KCNQ1: variants seen among roughly 807,000 people sequenced by gnomAD.
The protein encoded by KCNQ1 is potassium voltage-gated channel subfamily KQT member 1.
A neutral mutation model predicts 72.4 loss-of-function variants in KCNQ1; 49 were observed. The ratio of observed to expected loss-of-function variants is 0.68; its 90% CI spans 0.54 to 0.86. KCNQ1 has a LOEUF of 0.86. KCNQ1 is among the 40% of genes least tolerant of loss of function. The probability of loss-of-function intolerance (pLI) is 0.00; values close to 1 mark genes in which losing one functional copy is unlikely to be tolerated. For missense variants in KCNQ1, 790 were observed against 945.1 expected (o/e 0.84, Z 2.15); for synonymous variants, 450 against 412.6 (o/e 1.09, Z -1.10).
intron 2 of KCNQ1, among the ~76,000 whole-genome samples, chr11:2,569,382 C>T (rs2086972425): frequency 6.6e-6 from 1 of 152,238 alleles, no homozygotes; most frequent in Non-Finnish European, 1.5e-5. Flanking sequence ...TCATTCCATC[C>T]TAATTAATAA....
rs938142563 is a variant in KCNQ1, at chr11:2,507,534, C to T, written c.387-20394C>T. 6.6e-6 allele frequency among the ~76,000 whole-genome samples: 1 copy of T among 152,142 alleles called. No homozygotes were observed. Among genetic ancestry groups the T allele is most frequent in the African/African-American group, 2.4e-5 (1 of 41,418 alleles). On this transcript the variant is annotated intron_variant, in intron 1 of 15. Coordinates refer to ENST00000155840, the MANE Select transcript of KCNQ1 (RefSeq NM_000218.3). The surrounding 1 kb of genome is among the most constrained non-coding windows in gnomAD (Gnocchi z 5.4). ...GAAGAGAAAAGGATGCTGCTGGGAC[C>T]CCTCGCACCTGGGAGGATGCACTTT...
intron 15 of KCNQ1, among the ~76,000 whole-genome samples, chr11:2,832,375 T>C (rs889110680): frequency 2.0e-5 from 3 of 152,026 alleles, no homozygotes; most frequent in Admixed American, 6.5e-5. Flanking sequence ...TAGGACAGGG[T>C]GCCTGTGTCC....
intron 11 of KCNQ1, among the ~76,000 whole-genome samples, chr11:2,738,029 C>A (rs1262275149): frequency 1.9e-4 from 29 of 152,170 alleles, no homozygotes; most frequent in Admixed American, 1.9e-3. Context: ...GAGAACCACA[C>A]CCTCCTCCAC....
At chr11:2,615,306 T>G (rs1468987140) in intron 10 of KCNQ1, 1 of 397,988 alleles carries the variant, frequency 2.5e-6, no homozygotes, top group Non-Finnish European at 4.4e-6. Flanking sequence ...TTGTGGATTC[T>G]TTGATTTTCT....
At chr11:2,722,689 G>A (rs1845689542) in intron 11 of KCNQ1, among the ~76,000 whole-genome samples, 1 of 152,028 alleles carries the variant, frequency 6.6e-6, no homozygotes, top group Non-Finnish European at 1.5e-5. Context: ...ACGTGGTTGG[G>A]AGTCATGACC....
chr11:2,732,155 C>T (rs1845868934), intron 11 of KCNQ1, among the ~76,000 whole-genome samples: 1 of 152,248 alleles, frequency 6.6e-6, no homozygotes, highest in African/African-American at 2.4e-5. Context: ...TGAAGCGGGG[C>T]TGCGGCCAGG....
rs921423145 is a variant in KCNQ1, at chr11:2,674,860, A to G, written c.1514+12779A>G. On this transcript the variant is annotated intron_variant, in intron 11 of 15. Coordinates refer to ENST00000155840, the MANE Select transcript of KCNQ1 (RefSeq NM_000218.3). The surrounding 1 kb of genome is among the most constrained non-coding windows in gnomAD (Gnocchi z 5.9). ...AAAAAAAAAAAAAAAAAAAAAAAAA[A>G]GCTCACTGGGCACCTTGGCTGCAGG... 7.6e-6 allele frequency: 3 copies of G among 394,490 alleles called. No homozygotes were observed. Among genetic ancestry groups the G allele is most frequent in the African/African-American group, 6.3e-5 (3 of 47,614 alleles). The allele number at this position is 394,490 out of a possible 1,614,324, so 24.4% of individuals were successfully genotyped here. A position where few individuals can be genotyped will look rare whatever the true frequency, so the allele number is the denominator to read the frequency against.
At chr11:2,631,272 C>A in intron 10 of KCNQ1, 1 of 398,432 alleles carries the variant, frequency 2.5e-6, no homozygotes, top group East Asian at 3.6e-5. Flanking sequence ...CCCTTGTTAC[C>A]TTTTCATTCT....
chr11:2,631,921 G>A (rs977642770), intron 10 of KCNQ1: 27 of 397,154 alleles, frequency 6.8e-5, no homozygotes, highest in South Asian at 1.4e-4. Flanking sequence ...AGTGGCTCAC[G>A]CCTGTAATCC....
rs1294548989 is a variant in KCNQ1 at position 2,781,494 on chromosome 11, TC to T, written c.1794+3459del. The stretch of plus-strand genomic sequence containing the variant: ...GACCAATGCAGGCGGTCGGGAGAGG[TC>T]CGGAGAGAGCTGGCCCTGCCCACTC... On this transcript the variant is annotated intron_variant, in intron 15 of 15. Coordinates refer to ENST00000155840, the MANE Select transcript of KCNQ1 (RefSeq NM_000218.3). The surrounding 1 kb of genome is among the most constrained non-coding windows in gnomAD (Gnocchi z 6.6). 1.3e-5 allele frequency among the ~76,000 whole-genome samples: 2 copies of T among 151,892 alleles called. No homozygotes were observed. The highest frequency in any genetic ancestry group is 2.9e-5 in the Non-Finnish European group (2 of 67,950).
intron 2 of KCNQ1, among the ~76,000 whole-genome samples, chr11:2,554,726 A>G (rs189989389): frequency 5.3e-5 from 8 of 152,324 alleles, no homozygotes; most frequent in Admixed American, 1.3e-4. Context: ...AGGCCCTACA[A>G]TTTCACGACA....
At chr11:2,505,146 C>T (rs1423764762) in intron 1 of KCNQ1, among the ~76,000 whole-genome samples, 2 of 151,936 alleles carry the variant, frequency 1.3e-5, no homozygotes, top group Non-Finnish European at 2.9e-5. Flanking sequence ...TGGTTTGCTG[C>T]ACCTGTCAAC....
intron 15 of KCNQ1, among the ~76,000 whole-genome samples, chr11:2,823,442 G>T (rs1338830775): frequency 6.6e-6 from 1 of 152,222 alleles, no homozygotes; most frequent in Non-Finnish European, 1.5e-5. Flanking sequence ...TTCTTAGAAG[G>T]TTCTGGAGAA....
chr11:2,694,636 A>C lies in KCNQ1; in HGVS notation c.1514+32555A>C, dbSNP rs1314037195. 1.0e-5 allele frequency: 4 copies of C among 398,524 alleles called. No individual in the cohort carries two copies. The Admixed American group carries it at 1.8e-4, about 18-fold the overall frequency. The allele number at this position is 398,524 out of a possible 1,614,324, so 24.7% of individuals were successfully genotyped here. On this transcript the variant is annotated intron_variant, in intron 11 of 15. Transcript: ENST00000155840. ...CAATAAATGAATGAAACCATTCAAC[A>C]GAAATCTGTGACACACCCACCATGT...
rs530588203 is a variant in KCNQ1, at chr11:2,750,046, G to A, written c.1515-18798G>A. On this transcript the variant is annotated intron_variant, in intron 11 of 15. Coordinates refer to ENST00000155840, the MANE Select transcript of KCNQ1 (RefSeq NM_000218.3). The surrounding 1 kb of genome is among the most constrained non-coding windows in gnomAD (Gnocchi z 6.3). ...TGAGTGAAAATGGGGTGAGAGGGAGGGAGTGGGAACAGCCAAGAGGCCAGG... is the reference window on the plus strand; with the variant it reads ...TGAGTGAAAATGGGGTGAGAGGGAGAGAGTGGGAACAGCCAAGAGGCCAGG... 5.1e-4 allele frequency among the ~76,000 whole-genome samples: 78 copies of A among 152,252 alleles called. 1 individual carries two copies. The South Asian group carries it at 0.015, about 29-fold the overall frequency.
In KCNQ1 at chr11:2,624,045, G is replaced by A; in HGVS notation, c.1393+35191G>A. 1 of 399,454 alleles carries A rather than the reference G, an allele frequency of 2.5e-6. No individual in the cohort carries two copies. 24.7% of individuals were successfully genotyped at this position (399,454 alleles called of 1,614,324 possible). On this transcript the variant is annotated intron_variant, in intron 10 of 15. Transcript: ENST00000155840. This position sits in a 1 kb window ranked among gnomAD's most constrained non-coding sequence, Gnocchi z 4.9. ...TTGCATTCCCACCAGCAATGGATGA[G>A]TGTTCCTGTTGCCCCACATATTGGC...
Position 2,750,515 on chromosome 11 carries a change from C to G in KCNQ1, c.1515-18329C>G, listed in dbSNP as rs1846211137. Among the ~76,000 whole-genome samples the G allele has an allele frequency of 6.6e-6, 1 of 152,210 alleles. No individual in the cohort carries two copies. The highest frequency in any genetic ancestry group is 6.5e-5 in the Admixed American group (1 of 15,290). ...CCGGTTTCACCCCACGTCTTTTCCT[C>G]TCCTGCCTGGTAACCCTCTCTGCAG... On this transcript the variant is annotated intron_variant, in intron 11 of 15. Transcript: ENST00000155840. This position sits in a 1 kb window ranked among gnomAD's most constrained non-coding sequence, Gnocchi z 6.3.
rs971137177 is a variant in KCNQ1, at chr11:2,450,335, T to C, written c.386+4851T>C. ...AGACGAGTTGCTGGTGTGTGGCCAG[T>C]GCTGGGAGAGCATGGTGTCGGCCCG... On this transcript the variant is annotated intron_variant, in intron 1 of 15. Transcript: ENST00000155840. This position sits in a 1 kb window ranked among gnomAD's most constrained non-coding sequence, Gnocchi z 7.9. 1.3e-5 allele frequency among the ~76,000 whole-genome samples: 2 copies of C among 152,136 alleles called. No individual in the cohort carries two copies. The highest frequency in any genetic ancestry group is 2.9e-5 in the Non-Finnish European group (2 of 68,026).
chr11:2,631,015 T>C, intron 10 of KCNQ1: 1 of 398,548 alleles, frequency 2.5e-6, no homozygotes, highest in Non-Finnish European at 4.4e-6. Context: ...AATTATCTTG[T>C]CTTCCATTTT....
Sources: gnomAD v4.1 joint callset for allele counts (sites outside exome capture counted in the v4.1 genomes callset) on GRCh38, gnomAD v4.1.1 for gene constraint, Gnocchi (gnomAD v3.1) non-coding constraint, MANE v1.5 for transcripts, NCBI Gene and HGNC (gene_info 2026-07-23, HGNC 2026-07-21) for gene names.